NKIRAS1: variants seen among roughly 807,000 people sequenced by gnomAD.
NKIRAS1 encodes the protein NFKB inhibitor interacting Ras like 1.
In NKIRAS1, 16 loss-of-function variants were observed where a neutral mutation model predicts 19.8. That is an observed-to-expected ratio of 0.81 (90% CI 0.55 to 1.23). NKIRAS1 has a LOEUF of 1.23. Ranked by LOEUF, NKIRAS1 falls within the 50% of genes most tolerant of loss-of-function variation. The probability of loss-of-function intolerance (pLI) is 0.00; values close to 1 mark genes in which losing one functional copy is unlikely to be tolerated. For missense variants in NKIRAS1, 184 were observed against 220.0 expected (o/e 0.84, Z 1.04); for synonymous variants, 88 against 79.0 (o/e 1.11, Z -0.61).
At chr3:23,904,552 A>C (rs1702833529) in intron 3 of NKIRAS1, among the ~76,000 whole-genome samples, 2 of 152,232 alleles carry the variant, frequency 1.3e-5, no homozygotes, top group Admixed American at 1.3e-4. Flanking sequence ...CACCTCTTAT[A>C]GGCCACAGTG....
intron 1 of NKIRAS1, chr3:23,946,252 A>T (rs1176737918): frequency 1.0e-6 from 1 of 985,380 alleles, no homozygotes; most frequent in Non-Finnish European, 1.2e-6. Context: ...TCTTTTCGCG[A>T]GGTGACCCCA....
In NKIRAS1 at chr3:23,896,526, T is replaced by C. The variant is rs187962369; in HGVS notation, c.337-3189A>G. ...TACTCGGGAGGCTGAGGCAGGAAAA[T>C]CGCTTGAACCTGGGAGGCGGAGGTT... On this transcript the variant is annotated intron_variant, in intron 4 of 4. Coordinates refer to ENST00000425478, the MANE Select transcript of NKIRAS1 (RefSeq NM_020345.4). Among the ~76,000 whole-genome samples the C allele has an allele frequency of 3.4e-3, 515 of 151,552 alleles. 1 individual carries two copies. The highest frequency in any genetic ancestry group is 5.3e-3 in the Non-Finnish European group (361 of 67,880).
chr3:23,939,785 T>C (rs1349843962), intron 1 of NKIRAS1, among the ~76,000 whole-genome samples: 2 of 152,004 alleles, frequency 1.3e-5, no homozygotes, highest in Non-Finnish European at 2.9e-5. Flanking sequence ...AAAGGGAAAC[T>C]GTAGAGTTGA....
intron 1 of NKIRAS1, among the ~76,000 whole-genome samples, chr3:23,930,191 G>A (rs541733343): frequency 2.6e-5 from 4 of 152,270 alleles, no homozygotes; most frequent in African/African-American, 9.6e-5. Context: ...CTTCATCCTG[G>A]GGGGTATTTG....
At chr3:23,931,064 G>A (rs2125266577) in intron 1 of NKIRAS1, among the ~76,000 whole-genome samples, 1 of 90,076 alleles carries the variant, frequency 1.1e-5, no homozygotes, top group East Asian at 2.5e-4. Flanking sequence ...ATATAATGAA[G>A]TTGTAAGATG....
intron 1 of NKIRAS1, among the ~76,000 whole-genome samples, chr3:23,941,343 A>G (rs1476568646): frequency 2.0e-5 from 3 of 152,056 alleles, no homozygotes; most frequent in East Asian, 1.9e-4. Context: ...TCTTTCCTTT[A>G]TTCATATCTA....
chr3:23,938,398 T>TG (rs777262458), intron 1 of NKIRAS1, among the ~76,000 whole-genome samples: 87 of 152,114 alleles, frequency 5.7e-4, no homozygotes, highest in African/African-American at 1.4e-3. Context: ...TTTATAGAGT[T>TG]GGGGGGTCTC....
intron 1 of NKIRAS1, among the ~76,000 whole-genome samples, chr3:23,934,844 ACTTACAGAG>A (rs767624252): frequency 0.14 from 19,353 of 138,950 alleles, 1,358 homozygotes; most frequent in Non-Finnish European, 0.18. Flanking sequence ...AAAAAAAAAA[ACTTACAGAG>A]AATATCAGAA....
At chr3:23,917,682 C>G (rs1408207653), upstream of NKIRAS1, 2 of 640,896 alleles carry the variant, frequency 3.1e-6, no homozygotes, top group Non-Finnish European at 5.3e-6. Context: ...GAACGCGGCT[C>G]CGTGGGCGCA....
chr3:23,920,277 G>T, upstream of NKIRAS1: 1 of 985,794 alleles, frequency 1.0e-6, no homozygotes. Flanking sequence ...GGGGAAAGTA[G>T]TTGGCTATAA....
intron 1 of NKIRAS1, among the ~76,000 whole-genome samples, chr3:23,914,516 TAA>T (rs1442404342): frequency 6.6e-6 from 1 of 152,232 alleles, no homozygotes; most frequent in Non-Finnish European, 1.5e-5. Context: ...TTTACATACA[TAA>T]AAATATATTC....
chr3:23,896,118 G>A (rs1400370615), intron 4 of NKIRAS1, among the ~76,000 whole-genome samples: 1 of 133,812 alleles, frequency 7.5e-6, no homozygotes, highest in Non-Finnish European at 1.6e-5. Flanking sequence ...CTGGGAGATG[G>A]AGCAAGACTC....
chr3:23,904,411 C>G (rs1251225751), intron 3 of NKIRAS1, among the ~76,000 whole-genome samples: 1 of 152,112 alleles, frequency 6.6e-6, no homozygotes, highest in African/African-American at 2.4e-5. Flanking sequence ...AATGCTGTGT[C>G]CTCACATGGT....
upstream of NKIRAS1, chr3:23,918,627 G>C (rs1217113606): frequency 6.3e-7 from 1 of 1,580,824 alleles, no homozygotes; most frequent in East Asian, 2.3e-5. Context: ...GGGATGGTGG[G>C]AGAGAGAGAT....
rs1474469216 is a variant in NKIRAS1 at position 23,916,927 on chromosome 3, T to G, written c.-283A>C. The G allele has an allele frequency of 6.6e-6, 1 of 152,616 alleles. No homozygotes were observed. Among genetic ancestry groups the G allele is most frequent in the Admixed American group, 6.5e-5 (1 of 15,282 alleles). 9.5% of individuals were successfully genotyped at this position (152,616 alleles called of 1,614,324 possible). A position where few individuals can be genotyped will look rare whatever the true frequency, so the allele number is the denominator to read the frequency against. On this transcript the variant is annotated 5_prime_UTR_variant, in exon 1 of 5. Coordinates refer to ENST00000425478, the MANE Select transcript of NKIRAS1 (RefSeq NM_020345.4). ...GCCGCCGAGACCTCGCCGCCAACTC[T>G]CTCACCTCTCGAGACGCCCAGGCCG... is the stretch of plus-strand genomic sequence containing the variant.
intron 1 of NKIRAS1, among the ~76,000 whole-genome samples, chr3:23,935,847 A>C (rs1027820734): frequency 7.9e-5 from 12 of 152,122 alleles, no homozygotes; most frequent in Non-Finnish European, 1.5e-4. Context: ...TGGGAGGCCA[A>C]GGCAGGAGGA....
At chr3:23,897,764 A>C (rs1274170063) in intron 4 of NKIRAS1, among the ~76,000 whole-genome samples, 1 of 152,116 alleles carries the variant, frequency 6.6e-6, no homozygotes, top group Non-Finnish European at 1.5e-5. Flanking sequence ...CTCATTCCCC[A>C]TTCTGCTTTT....
intron 4 of NKIRAS1, among the ~76,000 whole-genome samples, chr3:23,897,400 G>A (rs147387501): frequency 6.6e-6 from 1 of 152,206 alleles, no homozygotes; most frequent in Admixed American, 6.5e-5. Context: ...TTTTACATAT[G>A]ATTGTCATTT....
upstream of NKIRAS1, chr3:23,921,724 A>T: frequency 1.6e-6 from 1 of 638,774 alleles, no homozygotes. Context: ...ACAGGCGCAC[A>T]CTGCCATGCC....
Sources: gnomAD v4.1 joint callset for allele counts (sites outside exome capture counted in the v4.1 genomes callset) on GRCh38, gnomAD v4.1.1 for gene constraint, MANE v1.5 for transcripts, NCBI Gene and HGNC (gene_info 2026-07-23, HGNC 2026-07-21) for gene names.